Variants in ROBO2 observed in about 807,000 individuals in gnomAD.
ROBO2 encodes roundabout guidance receptor 2.
Under a neutral mutation model 160.8 loss-of-function variants are expected in ROBO2, and 53 were observed. That is an observed-to-expected ratio of 0.33 (90% CI 0.26 to 0.41). The LOEUF (loss-of-function observed/expected upper bound fraction) is 0.41. Among genes scored for constraint, ROBO2 ranks in the 10% least tolerant of loss-of-function variants. The pLI is 1.00. For synonymous variants in ROBO2, 664 were observed against 611.7 expected, an observed-to-expected ratio of 1.09 and a Z score of -1.26; for missense variants, 1,577 against 1,722.4, an observed-to-expected ratio of 0.92 and a Z score of 1.49.
chr3:77,030,599 G>A (rs2063257529), intron 2 of ROBO2, among the ~76,000 whole-genome samples: 1 of 152,178 alleles, frequency 6.6e-6, no homozygotes, highest in African/African-American at 2.4e-5. Flanking sequence ...CCAGAGTCAA[G>A]GTGTTGGCAA....
chr3:75,988,779 A>T (rs992429506), intron 2 of ROBO2, among the ~76,000 whole-genome samples: 1 of 151,982 alleles, frequency 6.6e-6, no homozygotes, highest in African/African-American at 2.4e-5. Context: ...CAAAAACTGA[A>T]ATTTTCAAGT....
chr3:77,207,966 C>T (rs1317977852), intron 2 of ROBO2, among the ~76,000 whole-genome samples: 2 of 152,176 alleles, frequency 1.3e-5, no homozygotes, highest in African/African-American at 2.4e-5. Context: ...TGGATTCGCT[C>T]CCACTGTGGG....
At chr3:76,895,088 C>A (rs114755524) in intron 2 of ROBO2, among the ~76,000 whole-genome samples, 2,418 of 152,076 alleles carry the variant, frequency 0.016, 26 homozygotes, top group African/African-American at 0.026. Context: ...GGATTTGTTT[C>A]TCCTCTTTTT....
At chr3:76,406,790 A>C (rs2108799501) in intron 2 of ROBO2, among the ~76,000 whole-genome samples, 1 of 151,994 alleles carries the variant, frequency 6.6e-6, no homozygotes, top group South Asian at 2.1e-4. Context: ...TCTTTTTTGT[A>C]GGTCCAGTCT....
At chr3:77,626,971 C>T (rs886802136) in intron 23 of ROBO2, among the ~76,000 whole-genome samples, 5 of 152,140 alleles carry the variant, frequency 3.3e-5, no homozygotes, top group African/African-American at 9.7e-5. Context: ...GAGCCTCGGC[C>T]ACTAAAATAT....
intron 2 of ROBO2, among the ~76,000 whole-genome samples, chr3:76,123,319 T>C (rs2070830459): frequency 1.3e-5 from 2 of 152,236 alleles, no homozygotes; most frequent in Middle Eastern, 3.4e-3. Flanking sequence ...CCTATCGAAA[T>C]GTTTTTATTA....
intron 2 of ROBO2, among the ~76,000 whole-genome samples, chr3:76,209,706 T>C (rs1030644390): frequency 2.0e-5 from 3 of 152,122 alleles, no homozygotes; most frequent in Non-Finnish European, 4.4e-5. Flanking sequence ...GTAATAAATA[T>C]AGCAGTGTAA....
chr3:76,905,778 TC>T (rs2075562350), intron 2 of ROBO2, among the ~76,000 whole-genome samples: 1 of 152,196 alleles, frequency 6.6e-6, no homozygotes, highest in Admixed American at 6.5e-5. Context: ...TTATTTCTGC[TC>T]CTCATTCAGC....
At chr3:76,621,549 A>C (rs1460557152) in intron 2 of ROBO2, among the ~76,000 whole-genome samples, 1 of 152,194 alleles carries the variant, frequency 6.6e-6, no homozygotes, top group Non-Finnish European at 1.5e-5. Flanking sequence ...TAACTTCACC[A>C]TCTACCAAGT....
intron 2 of ROBO2, among the ~76,000 whole-genome samples, chr3:76,207,932 T>G (rs1435661562): frequency 6.6e-6 from 1 of 152,158 alleles, no homozygotes; most frequent in Non-Finnish European, 1.5e-5. Context: ...TTCTCATAAG[T>G]GGTTTAACAC....
chr3:76,698,855 T>C (rs965612284), intron 2 of ROBO2, among the ~76,000 whole-genome samples: 2 of 152,198 alleles, frequency 1.3e-5, no homozygotes, highest in Non-Finnish European at 2.9e-5. Context: ...TTTAAATAAA[T>C]GTTTATATTT....
At chr3:77,335,939 A>G (rs940174608) in intron 2 of ROBO2, among the ~76,000 whole-genome samples, 1 of 152,164 alleles carries the variant, frequency 6.6e-6, no homozygotes, top group African/African-American at 2.4e-5. Context: ...AACCTCAGAA[A>G]TTAAATGTTG....
At chr3:76,451,528 A>G (rs2077473879) in intron 2 of ROBO2, among the ~76,000 whole-genome samples, 1 of 152,148 alleles carries the variant, frequency 6.6e-6, no homozygotes, top group Admixed American at 6.6e-5. Flanking sequence ...ATTATTTAAA[A>G]TTTTGCTGGG....
chr3:77,573,067 C>T (rs1263108764), intron 13 of ROBO2, among the ~76,000 whole-genome samples: 1 of 151,744 alleles, frequency 6.6e-6, no homozygotes, highest in East Asian at 1.9e-4. Context: ...ATTTCTTTTC[C>T]ATTAATCTTT....
intron 2 of ROBO2, among the ~76,000 whole-genome samples, chr3:76,953,744 A>G (rs771309337): frequency 1.2e-4 from 18 of 152,184 alleles, no homozygotes; most frequent in Non-Finnish European, 2.5e-4. Context: ...CAGTCCTTAG[A>G]AGCAAGCACG....
At chr3:76,937,006 A>G (rs1261054529) in intron 2 of ROBO2, among the ~76,000 whole-genome samples, 1 of 139,520 alleles carries the variant, frequency 7.2e-6, no homozygotes, top group Non-Finnish European at 1.5e-5. Flanking sequence ...CATTGATTCT[A>G]CAAACTGGTA....
chr3:77,635,196 C>A (rs564021358), intron 24 of ROBO2, among the ~76,000 whole-genome samples, 153 bp downstream of exon 25: 2 of 152,078 alleles, frequency 1.3e-5, no homozygotes, highest in African/African-American at 4.8e-5. Context: ...AAATAAAACA[C>A]CATTTTTAAA....
intron 2 of ROBO2, among the ~76,000 whole-genome samples, chr3:77,209,405 GCCATCTAAT>G (rs2083827953): frequency 6.6e-6 from 1 of 151,988 alleles, no homozygotes; most frequent in African/African-American, 2.4e-5. Context: ...CTTTTGCAAT[GCCATCTAAT>G]TTTCAATACG....
At chr3:77,027,215 C>G (rs560086396) in intron 2 of ROBO2, among the ~76,000 whole-genome samples, 23 of 152,028 alleles carry the variant, frequency 1.5e-4, no homozygotes, top group African/African-American at 5.3e-4. Context: ...GTTAATAATC[C>G]CCTCATATGT....
Sources: gnomAD v4.1 joint callset for allele counts (sites outside exome capture counted in the v4.1 genomes callset) on GRCh38, gnomAD v4.1.1 for gene constraint, MANE v1.5 for transcripts, NCBI Gene and HGNC (gene_info 2026-07-23, HGNC 2026-07-21) for gene names.